The following EFCAB6 variants were observed in gnomAD, a reference collection of about 807,000 sequenced individuals.
EFCAB6 encodes EF-hand calcium binding domain 6, also known as EF-hand calcium-binding domain-containing protein 6.
A neutral mutation model predicts 169.8 loss-of-function variants in EFCAB6; 156 were observed. The observed-to-expected ratio is 0.92, with a 90% CI of 0.81 to 1.05. The LOEUF (loss-of-function observed/expected upper bound fraction) is 1.05, where lower values mean the gene tolerates loss of function less well. Ranked by LOEUF, EFCAB6 falls within the 50% of genes least tolerant of loss-of-function variation. The probability of loss-of-function intolerance (pLI) is 0.00; values close to 1 mark genes in which losing one functional copy is unlikely to be tolerated. For missense variants in EFCAB6, 1,800 were observed against 1,829.1 expected, an observed-to-expected ratio of 0.98 and a Z score of 0.29; for synonymous variants, 698 against 676.4, an observed-to-expected ratio of 1.03 and a Z score of -0.50.
chr22:43,678,024 A>T lies in EFCAB6; in HGVS notation c.1391T>A (p.Phe464Tyr). The change falls in exon 13 of 32, where the codon TTT (phenylalanine) becomes TAT (tyrosine). Residue 464 changes from phenylalanine to tyrosine, a missense_variant. Coordinates refer to ENST00000262726, the MANE Select transcript of EFCAB6 (RefSeq NM_022785.4). ...ACAGTTCTCTTCAATCAGATCAATA[A>T]ACATGCTGGTGTTGACCACTCCAGT... is the stretch of plus-strand genomic sequence containing the variant. ...GDTGVVNTSM[F>Y]IDLIEENCRM... 5 of 1,614,028 alleles carry T rather than the reference A, an allele frequency of 3.1e-6. No homozygotes were observed. In the South Asian group the frequency reaches 3.3e-5, roughly 11 times the overall value.
intron 4 of EFCAB6, among the ~76,000 whole-genome samples, chr22:43,769,690 A>G (rs2061410538): frequency 1.3e-5 from 2 of 152,078 alleles, no homozygotes; most frequent in Admixed American, 6.6e-5. Context: ...GATGGGACAG[A>G]GGAAAATGAC....
rs143792481 is a variant in EFCAB6, at chr22:43,690,517, GA to G, written c.1032-2937del. ...GGCGACAGAGCAAGACTCCGTCTCA[GA>G]AAAAAAAAAAAAAATGCAAATCCGA... On this transcript the variant is annotated intron_variant, in intron 10 of 31. Coordinates refer to ENST00000262726, the MANE Select transcript of EFCAB6 (RefSeq NM_022785.4). Among the ~76,000 whole-genome samples, 591 of 132,822 alleles carry G rather than the reference GA, an allele frequency of 4.4e-3. 2 individuals carry two copies. Among genetic ancestry groups the G allele is most frequent in the Middle Eastern group, 0.024 (6 of 252 alleles). 87.1% of individuals were successfully genotyped at this position (132,822 alleles called of 152,430 possible).
At chr22:43,557,463 A>C (rs973754095) in intron 26 of EFCAB6, among the ~76,000 whole-genome samples, 9 of 152,254 alleles carry the variant, frequency 5.9e-5, no homozygotes, top group African/African-American at 2.2e-4. Context: ...ATTAGAAAAG[A>C]AAGTATTTAA....
At chr22:43,695,886 T>G (rs1291153840) in intron 10 of EFCAB6, among the ~76,000 whole-genome samples, 1 of 152,094 alleles carries the variant, frequency 6.6e-6, no homozygotes, top group Non-Finnish European at 1.5e-5. Flanking sequence ...CAGGATTAAA[T>G]CTTTGTGATA....
intron 23 of EFCAB6, 103 bp from the exon 24 acceptor site, chr22:43,590,332 C>T (rs1007449038): frequency 1.8e-5 from 24 of 1,320,288 alleles, no homozygotes; most frequent in Non-Finnish European, 2.3e-5. Flanking sequence ...GCTGATGGCT[C>T]ATCTAAGAAC....
intron 3 of EFCAB6, among the ~76,000 whole-genome samples, 177 bp from the exon 4 acceptor site, chr22:43,773,280 T>C (rs2061537673): frequency 6.6e-6 from 1 of 152,158 alleles, no homozygotes; most frequent in South Asian, 2.1e-4. Flanking sequence ...TCGGTCATCT[T>C]TCAACTCTGA....
At chr22:43,704,237 C>A (rs762299899) in intron 10 of EFCAB6, among the ~76,000 whole-genome samples, 1 of 151,790 alleles carries the variant, frequency 6.6e-6, no homozygotes, top group Non-Finnish European at 1.5e-5. Context: ...GGGAAAAAAA[C>A]CCTGACAACC....
At chr22:43,622,823 C>T (rs1245267106) in intron 20 of EFCAB6, among the ~76,000 whole-genome samples, 1 of 152,108 alleles carries the variant, frequency 6.6e-6, no homozygotes, top group Non-Finnish European at 1.5e-5. Context: ...TGAAATGAAA[C>T]ACCACTAGGA....
At chr22:43,674,221 T>C (rs2057622569) in intron 13 of EFCAB6, among the ~76,000 whole-genome samples, 1 of 152,240 alleles carries the variant, frequency 6.6e-6, no homozygotes. Flanking sequence ...GTGACTTTTA[T>C]TTTCGCCTAT....
At chr22:43,539,679 C>T (rs1003747273) in intron 28 of EFCAB6, among the ~76,000 whole-genome samples, 3 of 152,214 alleles carry the variant, frequency 2.0e-5, no homozygotes, top group African/African-American at 7.2e-5. Flanking sequence ...AATCAGGTCG[C>T]TCCACGTCTG....
chr22:43,736,388 A>G (rs2060138763), intron 6 of EFCAB6, among the ~76,000 whole-genome samples: 1 of 152,214 alleles, frequency 6.6e-6, no homozygotes, highest in Admixed American at 6.5e-5. Flanking sequence ...TATTTTTAAT[A>G]GGAGCTGGAA....
chr22:43,740,943 G>A (rs1444985669), intron 6 of EFCAB6, among the ~76,000 whole-genome samples: 2 of 152,122 alleles, frequency 1.3e-5, no homozygotes, highest in East Asian at 1.9e-4. Flanking sequence ...CGTGAGCACC[G>A]GGAAGCAGCA....
chr22:43,781,513 G>A (rs1461098311), intron 3 of EFCAB6, among the ~76,000 whole-genome samples: 1 of 152,142 alleles, frequency 6.6e-6, no homozygotes, highest in Middle Eastern at 3.4e-3. Flanking sequence ...ATTTCTTGTA[G>A]AGACAAGGTC....
At chr22:43,794,990 C>T (rs542230743) in intron 2 of EFCAB6, among the ~76,000 whole-genome samples, 12 of 152,148 alleles carry the variant, frequency 7.9e-5, no homozygotes, top group African/African-American at 1.2e-4. Context: ...ACTATGGCCA[C>T]GCATTTGGGA....
chr22:43,640,298 A>G (rs1275312878), intron 17 of EFCAB6, among the ~76,000 whole-genome samples: 1 of 152,118 alleles, frequency 6.6e-6, no homozygotes, highest in African/African-American at 2.4e-5. Context: ...CTTTATATCT[A>G]TGTATTTTAT....
intron 17 of EFCAB6, among the ~76,000 whole-genome samples, chr22:43,649,250 A>T (rs923500150): frequency 1.3e-5 from 2 of 152,258 alleles, no homozygotes; most frequent in Non-Finnish European, 2.9e-5. Flanking sequence ...AAGGATGTAA[A>T]TAGGCAACTC....
intron 23 of EFCAB6, among the ~76,000 whole-genome samples, chr22:43,591,143 T>A (rs9306475): frequency 0.54 from 78,529 of 145,082 alleles, 21,416 homozygotes; most frequent in East Asian, 0.65. Flanking sequence ...TTGTTTTTTT[T>A]ACCAGGCTTT....
intron 3 of EFCAB6, among the ~76,000 whole-genome samples, chr22:43,774,280 G>A (rs1603355194): frequency 2.0e-5 from 3 of 151,228 alleles, no homozygotes; most frequent in African/African-American, 7.3e-5. Context: ...CCCACCCAGA[G>A]GGCAGGCTAG....
chr22:43,758,605 A>G (rs2061041515), intron 5 of EFCAB6, among the ~76,000 whole-genome samples: 1 of 152,164 alleles, frequency 6.6e-6, no homozygotes. Flanking sequence ...CATTTTTGTA[A>G]CCACCTTATA....
Sources: allele counts gnomAD v4.1 joint callset (sites outside exome capture counted in the v4.1 genomes callset), GRCh38; gene constraint gnomAD v4.1.1; transcripts MANE v1.5; gene names NCBI Gene and HGNC (gene_info 2026-07-23, HGNC 2026-07-21).